Variants in ABLIM2 observed in about 807,000 individuals in gnomAD.
The protein encoded by ABLIM2 is actin-binding LIM protein 2.
In ABLIM2, 53 loss-of-function variants were observed where a neutral mutation model predicts 97.7. The observed-to-expected ratio is 0.54, with a 90% CI of 0.44 to 0.68. The LOEUF is 0.68. ABLIM2 is among the 30% of genes least tolerant of loss of function. ABLIM2 has a pLI of 0.00. For missense variants in ABLIM2, 835 were observed against 867.2 expected, an observed-to-expected ratio of 0.96 and a Z score of 0.47; for synonymous variants, 361 against 345.8, an observed-to-expected ratio of 1.04 and a Z score of -0.49.
chr4:8,103,078 C>A (rs1439239458), intron 2 of ABLIM2, among the ~76,000 whole-genome samples: 1 of 152,240 alleles, frequency 6.6e-6, no homozygotes, highest in Admixed American at 6.5e-5. Flanking sequence ...GCACTGCTGA[C>A]ACGCACAGGG....
intron 3 of ABLIM2, among the ~76,000 whole-genome samples, chr4:8,092,044 C>G (rs1218675588): frequency 6.8e-6 from 1 of 147,458 alleles, no homozygotes; most frequent in African/African-American, 2.5e-5. Context: ...GTCACCCAGG[C>G]TGGAGTGCAC....
chr4:8,021,005 C>T lies in ABLIM2; in HGVS notation c.1268-702G>A, dbSNP rs1365305347. Among the ~76,000 whole-genome samples, 5 of 151,822 alleles carry T rather than the reference C, an allele frequency of 3.3e-5. No homozygotes were observed. Among genetic ancestry groups the T allele is most frequent in the Non-Finnish European group, 7.4e-5 (5 of 67,988 alleles). ...CCAAGTTGCTGGGACCACAGGTGTGCACTACCACGCCTGGCTAATTTTTTT... is the reference window on the plus strand; with the variant it reads ...CCAAGTTGCTGGGACCACAGGTGTGTACTACCACGCCTGGCTAATTTTTTT... On this transcript the variant is annotated intron_variant, in intron 12 of 20. Coordinates refer to ENST00000447017, the MANE Select transcript of ABLIM2 (RefSeq NM_001130083.2). The surrounding 1 kb of genome is among the most constrained non-coding windows in gnomAD (Gnocchi z 5.5).
chr4:8,077,798 G>A (rs1817233480), intron 5 of ABLIM2, 77 bp from the exon 6 acceptor site: 1 of 1,285,450 alleles, frequency 7.8e-7, no homozygotes, highest in Non-Finnish European at 1.1e-6. Flanking sequence ...TCACCAACAA[G>A]AGAGTCTGCC....
At chr4:8,047,280 G>A (rs901423656) in intron 8 of ABLIM2, among the ~76,000 whole-genome samples, 1 of 152,096 alleles carries the variant, frequency 6.6e-6, no homozygotes, top group African/African-American at 2.4e-5. Flanking sequence ...ACTCGCCTCC[G>A]CTCCACCGGC....
rs1006427514 is a variant in ABLIM2, at chr4:8,071,990, G to A, written c.675+5638C>T. On this transcript the variant is annotated intron_variant, in intron 6 of 20. Transcript: ENST00000447017. This position sits in a 1 kb window ranked among gnomAD's most constrained non-coding sequence, Gnocchi z 6.2. ...CGGCGGCGGCAGCTCCCCTTCTGCGGAGCCAGGCTTGTCCCCGCCCGCAGT... is the reference window on the plus strand; with the variant it reads ...CGGCGGCGGCAGCTCCCCTTCTGCGAAGCCAGGCTTGTCCCCGCCCGCAGT... 13 of 985,384 alleles carry A rather than the reference G, an allele frequency of 1.3e-5. No homozygotes were observed. The African/African-American group carries it at 2.3e-4, about 17-fold the overall frequency. The allele number at this position is 985,384 out of a possible 1,614,324, so 61.0% of individuals were successfully genotyped here.
intron 9 of ABLIM2, among the ~76,000 whole-genome samples, chr4:8,037,294 G>GCA (rs141721278): frequency 1.3e-4 from 19 of 151,380 alleles, no homozygotes; most frequent in East Asian, 2.0e-4. Context: ...ACGCACACAT[G>GCA]CACACACACA....
At position 8,087,173 on chromosome 4, in the gene ABLIM2, C is replaced by T. The variant is rs1292402026; in HGVS notation, c.454+996G>A. 1.3e-5 allele frequency among the ~76,000 whole-genome samples: 2 copies of T among 152,218 alleles called. No homozygotes were observed. The highest frequency in any genetic ancestry group is 2.9e-5 in the Non-Finnish European group (2 of 68,040). On this transcript the variant is annotated intron_variant, in intron 4 of 20. Coordinates refer to ENST00000447017, the MANE Select transcript of ABLIM2 (RefSeq NM_001130083.2). This position sits in a 1 kb window ranked among gnomAD's most constrained non-coding sequence, Gnocchi z 4.6. Reference sequence around the variant, plus strand: ...GAGAAACCCCTCCTCTGTCTGGGGACACCCCAGTGACCACGGTGCTCAGAG... The same window carrying T: ...GAGAAACCCCTCCTCTGTCTGGGGATACCCCAGTGACCACGGTGCTCAGAG...
chr4:7,991,717 T>A (rs977704462), intron 17 of ABLIM2, among the ~76,000 whole-genome samples: 2 of 151,974 alleles, frequency 1.3e-5, no homozygotes, highest in African/African-American at 4.8e-5. Flanking sequence ...AGGGGTGTGG[T>A]TTGCTAGATT....
rs1781373278 is a variant in ABLIM2 at position 8,032,177 on chromosome 4, T to C, written c.1048-2401A>G. ...GCAGTCTGATTGGCAGCTCTCTATGTCACTGATTAATTTTGAGAAACAGAA... is the reference window on the plus strand; with the variant it reads ...GCAGTCTGATTGGCAGCTCTCTATGCCACTGATTAATTTTGAGAAACAGAA... On this transcript the variant is annotated intron_variant, in intron 10 of 20. Transcript: ENST00000447017. The surrounding 1 kb of genome is among the most constrained non-coding windows in gnomAD (Gnocchi z 4.3). 6.8e-6 allele frequency among the ~76,000 whole-genome samples: 1 copy of C among 147,358 alleles called. No homozygotes were observed. The highest frequency in any genetic ancestry group is 1.5e-5 in the Non-Finnish European group (1 of 67,406).
chr4:8,051,514 G>A (rs548824032), intron 8 of ABLIM2, among the ~76,000 whole-genome samples: 14 of 140,992 alleles, frequency 9.9e-5, no homozygotes, highest in East Asian at 2.1e-4. Context: ...CTGAGATCAC[G>A]CCACTGGCCA....
chr4:7,994,760 GTT>G (rs1278974233), intron 16 of ABLIM2, among the ~76,000 whole-genome samples: 1 of 116,644 alleles, frequency 8.6e-6, no homozygotes, highest in East Asian at 2.2e-4. Flanking sequence ...TCCAGCACCT[GTT>G]GTTTCCTGAC....
rs761244691 is a variant in ABLIM2, at chr4:8,083,200, C to T, written c.455-2398G>A. On this transcript the variant is annotated intron_variant, in intron 4 of 20. Transcript: ENST00000447017. This position sits in a 1 kb window ranked among gnomAD's most constrained non-coding sequence, Gnocchi z 4.6. ...GAGCACAGCACATGGGGCTGTGTGTCGACCAGAGGACAGACAGCAGACAGC... is the reference window on the plus strand; with the variant it reads ...GAGCACAGCACATGGGGCTGTGTGTTGACCAGAGGACAGACAGCAGACAGC... Among the ~76,000 whole-genome samples, 5 of 152,198 alleles carry T rather than the reference C, an allele frequency of 3.3e-5. No individual in the cohort carries two copies. The highest frequency in any genetic ancestry group is 6.5e-5 in the Admixed American group (1 of 15,288).
intron 1 of ABLIM2, among the ~76,000 whole-genome samples, chr4:8,142,122 G>C (rs1043114961): frequency 6.6e-5 from 10 of 152,244 alleles, no homozygotes; most frequent in Admixed American, 3.9e-4. Context: ...GGGAGATAGA[G>C]GGTTCTATTC....
rs1209508405 is a variant in ABLIM2, at chr4:8,095,255, C to T, written c.338+1844G>A. ...CATAGCTGGGACTACAGGCATGCAC[C>T]ACCATGCCAGACTAATTTTTAAATT... On this transcript the variant is annotated intron_variant, in intron 3 of 20. Coordinates refer to ENST00000447017, the MANE Select transcript of ABLIM2 (RefSeq NM_001130083.2). This position sits in a 1 kb window ranked among gnomAD's most constrained non-coding sequence, Gnocchi z 4.7. 6.6e-6 allele frequency among the ~76,000 whole-genome samples: 1 copy of T among 152,056 alleles called. No individual in the cohort carries two copies. The highest frequency in any genetic ancestry group is 1.5e-5 in the Non-Finnish European group (1 of 68,024).
At chr4:7,981,961 C>A (rs1288565094) in intron 20 of ABLIM2, among the ~76,000 whole-genome samples, 2 of 152,190 alleles carry the variant, frequency 1.3e-5, no homozygotes, top group African/African-American at 4.8e-5. Flanking sequence ...GGGGCTTCCC[C>A]GGGCCTGGAA....
At chr4:7,987,548 G>A (rs2149798755) in intron 17 of ABLIM2, among the ~76,000 whole-genome samples, 1 of 152,340 alleles carries the variant, frequency 6.6e-6, no homozygotes, top group African/African-American at 2.4e-5. Context: ...CACCTGGCAT[G>A]TCTGATGTGA....
chr4:8,027,860 A>G lies in ABLIM2; in HGVS notation c.1169-3T>C, dbSNP rs373218831. 1.7e-4 allele frequency: 271 copies of G among 1,582,360 alleles called. No homozygotes were observed. Among genetic ancestry groups the G allele is most frequent in the Non-Finnish European group, 2.2e-4 (257 of 1,165,664 alleles). On this transcript the variant is annotated splice_region_variant and splice_polypyrimidine_tract_variant and intron_variant, in intron 11 of 20. Coordinates refer to ENST00000447017, the MANE Select transcript of ABLIM2 (RefSeq NM_001130083.2). ...GGTACCCACACTCACAGTACCAGCTACGGGGTAACAGAGAGCAAGTCAGAG... is the reference window on the plus strand; with the variant it reads ...GGTACCCACACTCACAGTACCAGCTGCGGGGTAACAGAGAGCAAGTCAGAG...
At position 8,128,759 on chromosome 4, in the gene ABLIM2, G is replaced by A. The variant is rs1223445595; in HGVS notation, c.11-22122C>T. Among the ~76,000 whole-genome samples, 1 of 152,132 alleles carries A rather than the reference G, an allele frequency of 6.6e-6. No individual in the cohort carries two copies. Among genetic ancestry groups the A allele is most frequent in the Non-Finnish European group, 1.5e-5 (1 of 68,014 alleles). The stretch of plus-strand genomic sequence containing the variant: ...AGGCGGGACCTTTGGGAGGAATTAG[G>A]TCTTGCAGGTGGAGCCCTCATCATG... On this transcript the variant is annotated intron_variant, in intron 1 of 20. Coordinates refer to ENST00000447017, the MANE Select transcript of ABLIM2 (RefSeq NM_001130083.2). The surrounding 1 kb of genome is among the most constrained non-coding windows in gnomAD (Gnocchi z 4.9).
At chr4:8,146,451 C>T (rs1027838486) in intron 1 of ABLIM2, among the ~76,000 whole-genome samples, 2 of 152,212 alleles carry the variant, frequency 1.3e-5, no homozygotes, top group African/African-American at 2.4e-5. Context: ...AGCAGTGCCT[C>T]GGCTCGCTAA....
Sources: allele counts gnomAD v4.1 joint callset (sites outside exome capture counted in the v4.1 genomes callset), GRCh38; gene constraint gnomAD v4.1.1; non-coding constraint Gnocchi (gnomAD v3.1); transcripts MANE v1.5; gene names NCBI Gene and HGNC (gene_info 2026-07-23, HGNC 2026-07-21).